LIN28B: variants seen among roughly 807,000 people sequenced by gnomAD.
The protein encoded by LIN28B is lin-28 RNA binding posttranscriptional regulator B, also known as protein lin-28 homolog B.
LIN28B carries 5 observed loss-of-function variants against 21.9 expected under a neutral mutation model. That is an observed-to-expected ratio of 0.23 (90% CI 0.12 to 0.48). The LOEUF is 0.48. Among genes scored for constraint, LIN28B ranks in the 20% least tolerant of loss-of-function variants. The pLI is 0.98. For synonymous variants in LIN28B, 109 were observed against 111.3 expected (o/e 0.98, Z 0.13); for missense variants, 245 against 310.5 (o/e 0.79, Z 1.58).
rs1230894175 is a variant in LIN28B, at chr6:105,080,757, A to G, written c.*1974A>G. 1 of 152,660 alleles carries G rather than the reference A, an allele frequency of 6.6e-6. No individual in the cohort carries two copies. Among genetic ancestry groups the G allele is most frequent in the African/African-American group, 2.4e-5 (1 of 41,454 alleles). The allele number at this position is 152,660 out of a possible 1,614,324, so 9.5% of individuals were successfully genotyped here. A position where few individuals can be genotyped will look rare whatever the true frequency, so the allele number is the denominator to read the frequency against. ...AAGCAAGTTAACAGTAAAATGCAAA[A>G]CATGATAAGCGTTGCTCAATTTTTA... is the stretch of plus-strand genomic sequence containing the variant. On this transcript the variant is annotated 3_prime_UTR_variant, in exon 4 of 4. Coordinates refer to ENST00000345080, the MANE Select transcript of LIN28B (RefSeq NM_001004317.4).
chr6:105,062,901 C>A (rs1218587108), intron 3 of LIN28B, among the ~76,000 whole-genome samples: 1 of 151,930 alleles, frequency 6.6e-6, no homozygotes, highest in African/African-American at 2.4e-5. Flanking sequence ...TATTTCCTTT[C>A]AGTCAGTGCC....
chr6:105,023,307 AAT>A (rs376889612), intron 2 of LIN28B, among the ~76,000 whole-genome samples: 7 of 30,478 alleles, frequency 2.3e-4, no homozygotes, highest in Non-Finnish European at 3.5e-4. Context: ...ATTTATATAT[AAT>A]TATATTATAT....
At chr6:105,039,755 G>A (rs1394501857) in intron 3 of LIN28B, among the ~76,000 whole-genome samples, 3 of 151,994 alleles carry the variant, frequency 2.0e-5, no homozygotes, top group African/African-American at 7.2e-5. Context: ...TTATTTTTAG[G>A]TATTGTAGTT....
intron 2 of LIN28B, among the ~76,000 whole-genome samples, chr6:104,972,582 G>C (rs977385308): frequency 1.3e-5 from 2 of 152,116 alleles, no homozygotes; most frequent in South Asian, 2.1e-4. Flanking sequence ...AACACCATTA[G>C]ATGTGTTGCT....
intron 2 of LIN28B, among the ~76,000 whole-genome samples, chr6:104,991,880 G>T (rs919574444): frequency 6.6e-6 from 1 of 152,132 alleles, no homozygotes; most frequent in Non-Finnish European, 1.5e-5. Flanking sequence ...GGGTGGCGGC[G>T]TGCGCCTGCA....
At chr6:104,988,199 A>G (rs1194586310) in intron 2 of LIN28B, among the ~76,000 whole-genome samples, 1 of 152,218 alleles carries the variant, frequency 6.6e-6, no homozygotes, top group Non-Finnish European at 1.5e-5. Flanking sequence ...GTTTTTATAA[A>G]TATGTCAAAT....
chr6:105,057,526 C>G (rs1011301835), intron 3 of LIN28B, among the ~76,000 whole-genome samples: 8 of 152,118 alleles, frequency 5.3e-5, no homozygotes, highest in African/African-American at 1.9e-4. Flanking sequence ...ATTTTTCTTC[C>G]TCTTTCTGTA....
At chr6:104,987,863 C>G (rs1056131827) in intron 2 of LIN28B, among the ~76,000 whole-genome samples, 2 of 152,098 alleles carry the variant, frequency 1.3e-5, no homozygotes, top group Non-Finnish European at 1.5e-5. Flanking sequence ...CCTGCCCCAG[C>G]CTTCCGAGTA....
At chr6:105,005,587 G>A (rs1466046857) in intron 2 of LIN28B, among the ~76,000 whole-genome samples, 2 of 152,124 alleles carry the variant, frequency 1.3e-5, no homozygotes, top group African/African-American at 2.4e-5. Context: ...ATAAAAGTGT[G>A]TGGCACTCGT....
chr6:105,010,192 CAA>C (rs199967689), intron 2 of LIN28B, among the ~76,000 whole-genome samples: 1 of 139,712 alleles, frequency 7.2e-6, no homozygotes, highest in Non-Finnish European at 1.6e-5. Flanking sequence ...CCCGTGTCTA[CAA>C]AAAAAAAAAC....
rs1048073865 is a variant in LIN28B, at chr6:105,079,748, A to G, written c.*965A>G. Reference sequence around the variant, plus strand: ...GAGCAGGGAGCCCTCCTTATTTACTACTGAAGACCTTAGAGAACTCCAATT... The same window carrying G: ...GAGCAGGGAGCCCTCCTTATTTACTGCTGAAGACCTTAGAGAACTCCAATT... On this transcript the variant is annotated 3_prime_UTR_variant, in exon 4 of 4. Coordinates refer to ENST00000345080, the MANE Select transcript of LIN28B (RefSeq NM_001004317.4). 2.0e-5 allele frequency: 3 copies of G among 152,160 alleles called. No homozygotes were observed. The highest frequency in any genetic ancestry group is 4.8e-5 in the African/African-American group (2 of 41,420). 9.4% of individuals were successfully genotyped at this position (152,160 alleles called of 1,614,324 possible).
chr6:105,077,599 A>G (rs989833556), intron 3 of LIN28B, among the ~76,000 whole-genome samples: 1 of 152,220 alleles, frequency 6.6e-6, no homozygotes, highest in Non-Finnish European at 1.5e-5. Flanking sequence ...ATTTCCATTT[A>G]TTTTAACTTA....
chr6:104,981,851 A>G (rs1260715754), intron 2 of LIN28B, among the ~76,000 whole-genome samples: 1 of 152,224 alleles, frequency 6.6e-6, no homozygotes, highest in African/African-American at 2.4e-5. Context: ...TAAAAGAACT[A>G]GTCATTAGGT....
intron 2 of LIN28B, among the ~76,000 whole-genome samples, chr6:105,020,637 T>G (rs1037721365): frequency 3.3e-5 from 5 of 151,834 alleles, no homozygotes; most frequent in Admixed American, 1.3e-4. Flanking sequence ...AATATTTTTA[T>G]AATTCTTAAA....
chr6:105,062,001 C>G (rs1463665642), intron 3 of LIN28B, among the ~76,000 whole-genome samples: 1 of 152,122 alleles, frequency 6.6e-6, no homozygotes, highest in Non-Finnish European at 1.5e-5. Flanking sequence ...ATGTCCTCTA[C>G]TTTTCTACTT....
rs142038096 is a variant in LIN28B, at chr6:105,047,676, T to C, written c.383+21194T>C. Among the ~76,000 whole-genome samples the C allele has an allele frequency of 7.4e-3, 1,124 of 152,356 alleles. 15 individuals carry two copies. Among genetic ancestry groups the C allele is most frequent in the African/African-American group, 0.026 (1,069 of 41,582 alleles). ...CATGGAATGTTCTTCCGTTTGTTTGTGTCCTCTTTTATTTCACTGAGCAGT... is the reference window on the plus strand; with the variant it reads ...CATGGAATGTTCTTCCGTTTGTTTGCGTCCTCTTTTATTTCACTGAGCAGT... On this transcript the variant is annotated intron_variant, in intron 3 of 3. Coordinates refer to ENST00000345080, the MANE Select transcript of LIN28B (RefSeq NM_001004317.4).
At chr6:105,003,268 G>A (rs1562088896) in intron 2 of LIN28B, among the ~76,000 whole-genome samples, 1 of 152,126 alleles carries the variant, frequency 6.6e-6, no homozygotes, top group Non-Finnish European at 1.5e-5. Context: ...AGATACCAAC[G>A]GCAAGTGAGG....
intron 2 of LIN28B, among the ~76,000 whole-genome samples, chr6:105,023,604 A>AT (rs1771216260): frequency 1.6e-5 from 1 of 61,826 alleles, no homozygotes; most frequent in Non-Finnish European, 2.8e-5. Flanking sequence ...TATATATATA[A>AT]AATATATAAT....
At chr6:105,038,989 G>T (rs1771578615) in intron 3 of LIN28B, among the ~76,000 whole-genome samples, 4 of 152,148 alleles carry the variant, frequency 2.6e-5, no homozygotes, top group Admixed American at 2.6e-4. Flanking sequence ...GCAATATCTG[G>T]TGGAAGATTG....
Sources: gnomAD v4.1 joint callset for allele counts (sites outside exome capture counted in the v4.1 genomes callset) on GRCh38, gnomAD v4.1.1 for gene constraint, MANE v1.5 for transcripts, NCBI Gene and HGNC (gene_info 2026-07-23, HGNC 2026-07-21) for gene names.